The following SMARCA2 variants were observed in gnomAD, a reference collection of about 807,000 sequenced individuals.
The protein encoded by SMARCA2 is SWI/SNF related BAF chromatin remodeling complex subunit ATPase 2.
SMARCA2 carries 61 observed loss-of-function variants against 199.8 expected under a neutral mutation model. The observed-to-expected ratio is 0.31, with a 90% confidence interval of 0.25 to 0.38. The LOEUF (loss-of-function observed/expected upper bound fraction) is 0.38, where lower values mean the gene tolerates loss of function less well. SMARCA2 is among the 10% of genes least tolerant of loss of function. The pLI is 1.00. For missense variants in SMARCA2, 1,344 were observed against 2,012.2 expected (o/e 0.67, Z 6.35); for synonymous variants, 935 against 732.0 (o/e 1.28, Z -4.48).
intron 27 of SMARCA2, among the ~76,000 whole-genome samples, chr9:2,151,357 A>T (rs962465161): frequency 6.6e-6 from 1 of 151,538 alleles, no homozygotes; most frequent in African/African-American, 2.4e-5. Context: ...AAGGAAGTGA[A>T]ATTTGTTGTG....
intron 27 of SMARCA2, among the ~76,000 whole-genome samples, chr9:2,143,843 GAT>G (rs1438574809): frequency 1.3e-5 from 2 of 152,346 alleles, no homozygotes; most frequent in South Asian, 2.1e-4. Context: ...AGGCTAGAGA[GAT>G]AATTTTTGAA....
intron 27 of SMARCA2, chr9:2,160,004 G>T (rs184542652): frequency 1.3e-6 from 2 of 1,507,786 alleles, no homozygotes; most frequent in Non-Finnish European, 1.8e-6. Flanking sequence ...GGTGTTCTCC[G>T]TATTTCTGTG....
intron 27 of SMARCA2, among the ~76,000 whole-genome samples, chr9:2,130,706 C>T (rs137918477): frequency 0.017 from 2,636 of 152,184 alleles, 69 homozygotes; most frequent in African/African-American, 0.06. Flanking sequence ...TACATACATA[C>T]ATACATATAT....
chr9:2,063,797 A>G (rs1258011909), intron 9 of SMARCA2, among the ~76,000 whole-genome samples: 1 of 149,988 alleles, frequency 6.7e-6, no homozygotes, highest in Non-Finnish European at 1.5e-5. Flanking sequence ...TTGGGAGTTT[A>G]TTGTGTTGAC....
chr9:2,077,896 T>C (rs1261082086), intron 14 of SMARCA2, 120 bp downstream of exon 14: 7 of 832,594 alleles, frequency 8.4e-6, no homozygotes, highest in Admixed American at 7.6e-5. Context: ...ACATCACTTA[T>C]AATACTGAGG....
chr9:2,145,396 A>G (rs1824690200), intron 27 of SMARCA2, among the ~76,000 whole-genome samples: 1 of 152,154 alleles, frequency 6.6e-6, no homozygotes, highest in South Asian at 2.1e-4. Flanking sequence ...AGGAGAAAGT[A>G]AATAAAAGAG....
intron 29 of SMARCA2, among the ~76,000 whole-genome samples, chr9:2,177,740 G>T (rs541771483): frequency 6.6e-6 from 1 of 152,058 alleles, no homozygotes; most frequent in East Asian, 2.0e-4. Flanking sequence ...TTAGTAGAGA[G>T]GGGGTTTCTC....
chr9:2,122,066 T>C (rs1048481254), intron 26 of SMARCA2, among the ~76,000 whole-genome samples: 5 of 152,230 alleles, frequency 3.3e-5, no homozygotes, highest in Non-Finnish European at 5.9e-5. Context: ...GAGATGCAGT[T>C]ATTAAGACTT....
At position 2,086,768 on chromosome 9, in the gene SMARCA2, G is replaced by T; in HGVS notation, c.2527-61G>T. The T allele has an allele frequency of 6.3e-7, 1 of 1,593,062 alleles. No homozygotes were observed. Among genetic ancestry groups the T allele is most frequent in the Non-Finnish European group, 8.6e-7 (1 of 1,166,982 alleles). On this transcript the variant is annotated intron_variant, in intron 17 of 33. Transcript: ENST00000349721. The surrounding 1 kb of genome is among the most constrained non-coding windows in gnomAD (Gnocchi z 4.3). ...TGGTTTTCCGCACCACCACTTGCTTGTTGGAAATAGTTGTATTTTCCCTTG... is the reference window on the plus strand; with the variant it reads ...TGGTTTTCCGCACCACCACTTGCTTTTTGGAAATAGTTGTATTTTCCCTTG...
intron 2 of SMARCA2, among the ~76,000 whole-genome samples, chr9:2,030,996 C>T (rs1202317119): frequency 6.6e-6 from 1 of 152,192 alleles, no homozygotes; most frequent in Non-Finnish European, 1.5e-5. Flanking sequence ...ACCTTCACCC[C>T]AAGTAACAGC....
At position 2,119,956 on chromosome 9, in the gene SMARCA2, C is replaced by T. The variant is rs1823381851; in HGVS notation, c.3762+421C>T. Among the ~76,000 whole-genome samples the T allele has an allele frequency of 6.6e-6, 1 of 152,348 alleles. No homozygotes were observed. The highest frequency in any genetic ancestry group is 1.9e-4 in the East Asian group (1 of 5,186). On this transcript the variant is annotated intron_variant, in intron 26 of 33. Coordinates refer to ENST00000349721, the MANE Select transcript of SMARCA2 (RefSeq NM_003070.5). This position sits in a 1 kb window ranked among gnomAD's most constrained non-coding sequence, Gnocchi z 4.6. ...GGCCAGTGTCATTCAGGAAGCCTAC[C>T]TGGCTCCTATAGGCATTGGAACTTA... is the stretch of plus-strand genomic sequence containing the variant.
At chr9:2,094,530 C>A (rs1378546133) in intron 19 of SMARCA2, among the ~76,000 whole-genome samples, 1 of 152,188 alleles carries the variant, frequency 6.6e-6, no homozygotes, top group African/African-American at 2.4e-5. Flanking sequence ...TTGATCAAGC[C>A]AGCAGGGAGG....
rs1822327097 is a variant in SMARCA2, at chr9:2,097,610, T to A, written c.3078+139T>A. On this transcript the variant is annotated intron_variant, in intron 21 of 33. Transcript: ENST00000349721. ...CGGAAGTTGAGATGACATGATCTGATAGCTCGACAAGCAGAATTAACAAAC... is the reference window on the plus strand; with the variant it reads ...CGGAAGTTGAGATGACATGATCTGAAAGCTCGACAAGCAGAATTAACAAAC... The A allele has an allele frequency of 1.2e-5, 7 of 571,440 alleles. No individual in the cohort carries two copies. In the South Asian group the frequency reaches 1.7e-4, roughly 14 times the overall value. 35.4% of individuals were successfully genotyped at this position (571,440 alleles called of 1,614,324 possible). A position where few individuals can be genotyped will look rare whatever the true frequency, so the allele number is the denominator to read the frequency against.
chr9:2,085,937 A>T (rs1292110643), intron 17 of SMARCA2: 2 of 152,166 alleles, frequency 1.3e-5, no homozygotes, highest in African/African-American at 4.8e-5. Context: ...AAGAGGACTG[A>T]AGGGTAAGGT....
Position 2,119,804 on chromosome 9 carries a change from A to G in SMARCA2, c.3762+269A>G, listed in dbSNP as rs1823375035. On this transcript the variant is annotated intron_variant, in intron 26 of 33. Coordinates refer to ENST00000349721, the MANE Select transcript of SMARCA2 (RefSeq NM_003070.5). This position sits in a 1 kb window ranked among gnomAD's most constrained non-coding sequence, Gnocchi z 4.6. ...CTCTTGAAAAATGAGATCGGGCAGT[A>G]CCAGGCCCACATCTTTGTGTGGAAA... is the stretch of plus-strand genomic sequence containing the variant. Among the ~76,000 whole-genome samples, 1 of 152,230 alleles carries G rather than the reference A, an allele frequency of 6.6e-6. No homozygotes were observed. The highest frequency in any genetic ancestry group is 2.4e-5 in the African/African-American group (1 of 41,468).
rs868703938 is a variant in SMARCA2 at position 2,054,608 on chromosome 9, G to A, written c.1058G>A (p.Arg353His). 4 of 1,613,492 alleles carry A rather than the reference G, an allele frequency of 2.5e-6. No individual in the cohort carries two copies. Among genetic ancestry groups the A allele is most frequent in the East Asian group, 2.2e-5 (1 of 44,872 alleles). Residue 353 changes from arginine to histidine, a missense_variant, in exon 6 of 34, where the codon CGC becomes CAC. Physicochemically the swap from Arg to His is conservative, Grantham distance 29. Around this residue, in one of 18 missense-constraint regions of SMARCA2, gnomAD observed 155 missense variants for 260.0 expected, o/e 0.60. Coordinates refer to ENST00000349721, the MANE Select transcript of SMARCA2 (RefSeq NM_003070.5). ...ATTGTTTCCTTTAGACTTCAGGCCC[G>A]CATAGCTCATAGGATACAAGAACTG... ...LQEREYRLQA[R>H]IAHRIQELEN...
chr9:2,060,508 C>G (rs904153487), intron 8 of SMARCA2, among the ~76,000 whole-genome samples: 1 of 152,162 alleles, frequency 6.6e-6, no homozygotes, highest in Non-Finnish European at 1.5e-5. Context: ...ATTCTAAAAT[C>G]TTTTTGTACA....
intron 27 of SMARCA2, chr9:2,159,710 A>G (rs1229437130): frequency 4.8e-6 from 7 of 1,452,488 alleles, no homozygotes; most frequent in Non-Finnish European, 6.5e-6. Flanking sequence ...GAAACAGCAG[A>G]TTTGAGTATC....
rs1050065184 is a variant in SMARCA2 at position 2,192,924 on chromosome 9, A to G, written c.*185A>G. 2 of 556,562 alleles carry G rather than the reference A, an allele frequency of 3.6e-6. No individual in the cohort carries two copies. The highest frequency in any genetic ancestry group is 3.8e-5 in the African/African-American group (2 of 52,290). The allele number at this position is 556,562 out of a possible 1,614,324, so 34.5% of individuals were successfully genotyped here. ...GGTGTAAAAAACACACACATACACA[A>G]ATATTTGTAACATATTGTGACCAAA... On this transcript the variant is annotated 3_prime_UTR_variant, in exon 34 of 34. Coordinates refer to ENST00000349721, the MANE Select transcript of SMARCA2 (RefSeq NM_003070.5).
Sources: gnomAD v4.1 joint callset for allele counts (sites outside exome capture counted in the v4.1 genomes callset) on GRCh38, gnomAD v4.1.1 for gene constraint, gnomAD v4.1.1 regional missense constraint, Gnocchi (gnomAD v3.1) non-coding constraint, MANE v1.5 for transcripts, NCBI Gene and HGNC (gene_info 2026-07-23, HGNC 2026-07-21) for gene names.